Variants in RHPN2 observed in about 807,000 individuals in gnomAD.
The protein encoded by RHPN2 is rhophilin-2.
Under a neutral mutation model 79.0 loss-of-function variants are expected in RHPN2, and 40 were observed. The ratio of observed to expected loss-of-function variants is 0.51; its 90% confidence interval spans 0.39 to 0.66. The LOEUF is 0.66. RHPN2 is among the 30% of genes least tolerant of loss of function. The probability of loss-of-function intolerance (pLI) is 0.00; values close to 1 mark genes in which losing one functional copy is unlikely to be tolerated. For synonymous variants in RHPN2, 285 were observed against 363.5 expected, an observed-to-expected ratio of 0.78 and a Z score of 2.46; for missense variants, 686 against 883.5, an observed-to-expected ratio of 0.78 and a Z score of 2.83.
intron 14 of RHPN2, among the ~76,000 whole-genome samples, chr19:32,984,694 G>A (rs1194558201): frequency 6.6e-6 from 1 of 152,098 alleles, no homozygotes; most frequent in Non-Finnish European, 1.5e-5. Context: ...GCTCACGCCT[G>A]TAATCCCAAC....
chr19:33,053,867 T>A (rs546969539), intron 1 of RHPN2, among the ~76,000 whole-genome samples: 2 of 151,236 alleles, frequency 1.3e-5, no homozygotes, highest in Non-Finnish European at 3.0e-5. Context: ...GCGCCCAGTC[T>A]CTTGTTTTTG....
intron 14 of RHPN2, among the ~76,000 whole-genome samples, chr19:32,988,196 T>C (rs951871287): frequency 7.2e-6 from 1 of 139,234 alleles, no homozygotes; most frequent in South Asian, 2.3e-4. Context: ...AGACCCTGTC[T>C]CAAAAACAAC....
intron 14 of RHPN2, among the ~76,000 whole-genome samples, chr19:32,980,729 G>A (rs1337128247): frequency 1.3e-5 from 2 of 152,176 alleles, no homozygotes; most frequent in Non-Finnish European, 2.9e-5. Context: ...ATGTTGCCCA[G>A]GCTGGTCTTA....
intron 7 of RHPN2, 77 bp from the exon 8 acceptor site, chr19:33,003,077 G>A (rs1971762917): frequency 7.5e-7 from 1 of 1,329,128 alleles, no homozygotes; most frequent in East Asian, 2.5e-5. Context: ...AAAGATAGGA[G>A]GCCGAGTGCG....
intron 11 of RHPN2, among the ~76,000 whole-genome samples, chr19:32,995,560 C>T (rs1201993358): frequency 4.6e-5 from 7 of 151,784 alleles, no homozygotes; most frequent in African/African-American, 1.7e-4. Flanking sequence ...GAACAAACAG[C>T]ATAAAAAGTG....
At chr19:33,011,936 C>A in intron 5 of RHPN2, 133 bp from the exon 6 acceptor site, 3 of 1,167,682 alleles carry the variant, frequency 2.6e-6, no homozygotes, top group Non-Finnish European at 3.7e-6. Context: ...CTACTGGCAT[C>A]GTAAACTCTG....
chr19:33,035,113 G>A (rs530377626), intron 2 of RHPN2, among the ~76,000 whole-genome samples: 1 of 151,870 alleles, frequency 6.6e-6, no homozygotes, highest in Non-Finnish European at 1.5e-5. Context: ...GTTACAGTGT[G>A]TGCCACCACA....
intron 4 of RHPN2, among the ~76,000 whole-genome samples, chr19:33,017,664 A>G (rs959632327): frequency 3.3e-5 from 5 of 150,772 alleles, no homozygotes; most frequent in African/African-American, 1.2e-4. Flanking sequence ...GGAGAGTTCA[A>G]GACCAGCCTG....
At chr19:32,986,226 G>A (rs757093227) in intron 14 of RHPN2, among the ~76,000 whole-genome samples, 5 of 152,170 alleles carry the variant, frequency 3.3e-5, no homozygotes, top group Admixed American at 2.0e-4. Context: ...CTGGTGTAAC[G>A]ATGTCACAGG....
chr19:33,021,977 G>C (rs1971928055), intron 3 of RHPN2, among the ~76,000 whole-genome samples: 1 of 151,796 alleles, frequency 6.6e-6, no homozygotes, highest in Non-Finnish European at 1.5e-5. Context: ...CTCTTGTTCT[G>C]TCGCCCAGGC....
At chr19:33,052,755 T>A (rs554362846) in intron 1 of RHPN2, among the ~76,000 whole-genome samples, 1 of 152,234 alleles carries the variant, frequency 6.6e-6, no homozygotes, top group South Asian at 2.1e-4. Flanking sequence ...TCAACAGCCC[T>A]CCTGCCCTTC....
intron 2 of RHPN2, among the ~76,000 whole-genome samples, chr19:33,039,988 A>G (rs1972087781): frequency 6.6e-6 from 1 of 151,438 alleles, no homozygotes; most frequent in African/African-American, 2.4e-5. Context: ...GACAGGGCAT[A>G]TGCTGTGCAC....
At chr19:32,989,746 G>A (rs1971639613) in intron 14 of RHPN2, among the ~76,000 whole-genome samples, 1 of 152,154 alleles carries the variant, frequency 6.6e-6, no homozygotes, top group South Asian at 2.1e-4. Context: ...AAGGTGAGAG[G>A]ATGGCTTGAG....
intron 3 of RHPN2, among the ~76,000 whole-genome samples, chr19:33,023,382 C>T (rs1447494771): frequency 6.9e-6 from 1 of 144,320 alleles, no homozygotes; most frequent in East Asian, 2.1e-4. Flanking sequence ...AGCAGTGAGC[C>T]AAGATCACGC....
At chr19:32,980,534 G>T (rs1431569464) in intron 14 of RHPN2, among the ~76,000 whole-genome samples, 2 of 152,136 alleles carry the variant, frequency 1.3e-5, no homozygotes, top group Non-Finnish European at 2.9e-5. Flanking sequence ...GAACCCAGGA[G>T]GTGGAGGTTG....
At chr19:33,022,185 C>T (rs1971930041) in intron 3 of RHPN2, among the ~76,000 whole-genome samples, 1 of 152,272 alleles carries the variant, frequency 6.6e-6, no homozygotes, top group South Asian at 2.1e-4. Context: ...TGACCTCAAG[C>T]GATCCGCCCA....
At chr19:33,035,214 G>C (rs1972046910) in intron 2 of RHPN2, among the ~76,000 whole-genome samples, 1 of 152,070 alleles carries the variant, frequency 6.6e-6, no homozygotes, top group Non-Finnish European at 1.5e-5. Context: ...TGATCCACCT[G>C]CCTCTGCCTC....
chr19:33,043,069 A>C (rs1481458697), intron 2 of RHPN2, among the ~76,000 whole-genome samples: 2 of 132,524 alleles, frequency 1.5e-5, no homozygotes, highest in Non-Finnish European at 3.0e-5. Context: ...ACAGAGCAAG[A>C]CTCCGTCTCA....
At chr19:33,013,179 GTTT>G (rs71176183) in intron 4 of RHPN2, among the ~76,000 whole-genome samples, 1 of 145,140 alleles carries the variant, frequency 6.9e-6, no homozygotes, top group African/African-American at 2.7e-5. Flanking sequence ...CCCGGCCATA[GTTT>G]TTTTTTAAAA....
Sources: allele counts gnomAD v4.1 joint callset (sites outside exome capture counted in the v4.1 genomes callset), GRCh38; gene constraint gnomAD v4.1.1; transcripts MANE v1.5; gene names NCBI Gene and HGNC (gene_info 2026-07-23, HGNC 2026-07-21).